HMOX1: variants seen among roughly 807,000 people sequenced by gnomAD.
HMOX1 encodes the protein heme oxygenase 1.
A neutral mutation model predicts 27.8 loss-of-function variants in HMOX1; 22 were observed. The ratio of observed to expected loss-of-function variants is 0.79; its 90% confidence interval spans 0.57 to 1.13. The LOEUF is 1.13. Among genes scored for constraint, HMOX1 ranks in the 50% most tolerant of loss-of-function variants. The probability of loss-of-function intolerance (pLI) is 0.00; values close to 1 mark genes in which losing one functional copy is unlikely to be tolerated. For synonymous variants in HMOX1, 153 were observed against 151.6 expected (o/e 1.01, Z -0.07); for missense variants, 379 against 377.7 (o/e 1.00, Z -0.03).
At chr22:35,389,413 T>C (rs1601743557) in intron 3 of HMOX1, among the ~76,000 whole-genome samples, 1 of 105,852 alleles carries the variant, frequency 9.4e-6, no homozygotes, top group East Asian at 2.3e-4. Flanking sequence ...TCTTTCTTTC[T>C]TTCTTTCTTT....
At chr22:35,393,430 C>T (rs1931773934) in intron 4 of HMOX1, 38 bp from the exon 5 acceptor site, 1 of 1,613,674 alleles carries the variant, frequency 6.2e-7, no homozygotes, top group South Asian at 1.1e-5. Context: ...CTGATGCACG[C>T]CCACCTGTTA....
At chr22:35,388,304 T>C (rs1169939582) in intron 3 of HMOX1, among the ~76,000 whole-genome samples, 1 of 150,846 alleles carries the variant, frequency 6.6e-6, no homozygotes, top group Non-Finnish European at 1.5e-5. Flanking sequence ...ATGAAAAAAT[T>C]AGCCAGACAT....
In HMOX1 at chr22:35,389,268, CT is replaced by C. The variant is rs1569057197; in HGVS notation, c.637-595del. On this transcript the variant is annotated intron_variant, in intron 3 of 4. Transcript: ENST00000216117. ...CTTTCTTTTCTCTCTCTCTCTCTCTCTCTCTCCTCTCTCTCTCTCTCTTCTT... is the reference window on the plus strand; with the variant it reads ...CTTTCTTTTCTCTCTCTCTCTCTCTCCTCTCCTCTCTCTCTCTCTCTTCTT... Among the ~76,000 whole-genome samples the C allele has an allele frequency of 9.1e-4, 112 of 123,332 alleles. 9 individuals carry two copies. The East Asian group carries it at 0.011, about 12-fold the overall frequency. The allele number at this position is 123,332 out of a possible 152,430, so 80.9% of individuals were successfully genotyped here. A position where few individuals can be genotyped will look rare whatever the true frequency, so the allele number is the denominator to read the frequency against.
chr22:35,383,985 G>T (rs1234310789), intron 2 of HMOX1, among the ~76,000 whole-genome samples: 1 of 152,028 alleles, frequency 6.6e-6, no homozygotes, highest in African/African-American at 2.4e-5. Flanking sequence ...GGGTGTGGGG[G>T]TGGGGAGTAG....
chr22:35,388,107 TA>T (rs1235592092), intron 3 of HMOX1, among the ~76,000 whole-genome samples: 1 of 147,944 alleles, frequency 6.8e-6, no homozygotes, highest in Non-Finnish European at 1.5e-5. Context: ...CTATCAAAAA[TA>T]AAAAATAAAA....
intron 2 of HMOX1, among the ~76,000 whole-genome samples, chr22:35,385,083 C>T (rs1451936640): frequency 3.3e-5 from 5 of 152,154 alleles, no homozygotes; most frequent in South Asian, 2.1e-4. Context: ...CAAATTTAAA[C>T]GGGCGTATTA....
At position 35,386,696 on chromosome 22, in the gene HMOX1, C is replaced by T. The variant is rs1329994917; in HGVS notation, c.156C>T (p.Ala52=). 1 of 1,614,148 alleles carries T rather than the reference C, an allele frequency of 6.2e-7. No individual in the cohort carries two copies. Among genetic ancestry groups the T allele is most frequent in the South Asian group, 1.1e-5 (1 of 91,078 alleles). Residue 52 remains alanine (A), a synonymous_variant, in exon 3 of 5, where the codon GCC becomes GCT. Transcript: ENST00000216117. ...CACTCTGCTTTCAGCTGGTGATGGC[C>T]TCCCTGTACCACATCTATGTGGCCC... ...VTRDGFKLVM[A]SLYHIYVALE...
Position 35,393,708 on chromosome 22 carries a change from C to A in HMOX1, c.*110C>A. On this transcript the variant is annotated 3_prime_UTR_variant, in exon 5 of 5. Transcript: ENST00000216117. The stretch of plus-strand genomic sequence containing the variant: ...CCTTACCGTGGGCACTGAAGGCTTT[C>A]AGGGCCTCCAGCCCTCTCACTGTGT... 7.8e-7 allele frequency: 1 copy of A among 1,277,546 alleles called. No individual in the cohort carries two copies. Among genetic ancestry groups the A allele is most frequent in the Non-Finnish European group, 1.1e-6 (1 of 878,456 alleles). 79.1% of individuals were successfully genotyped at this position (1,277,546 alleles called of 1,614,324 possible).
rs867302958 is a variant in HMOX1 at position 35,389,379 on chromosome 22, C to T, written c.637-485C>T. On this transcript the variant is annotated intron_variant, in intron 3 of 4. Transcript: ENST00000216117. ...TCCTTCCTTCCTTCCTTCCTTCCTT[C>T]CTTCCTTCCTTCCTTCCTTTCTTTC... 4.3e-4 allele frequency among the ~76,000 whole-genome samples: 27 copies of T among 63,042 alleles called. 6 individuals are homozygous for T. The highest frequency in any genetic ancestry group is 1.9e-3 in the African/African-American group (14 of 7,340). 41.4% of individuals were successfully genotyped at this position (63,042 alleles called of 152,430 possible).
chr22:35,393,696 A>C lies in HMOX1; in HGVS notation c.*98A>C. Reference sequence around the variant, plus strand: ...CTTGGCTGGCTTCCTTACCGTGGGCACTGAAGGCTTTCAGGGCCTCCAGCC... The same window carrying C: ...CTTGGCTGGCTTCCTTACCGTGGGCCCTGAAGGCTTTCAGGGCCTCCAGCC... On this transcript the variant is annotated 3_prime_UTR_variant, in exon 5 of 5. Coordinates refer to ENST00000216117, the MANE Select transcript of HMOX1 (RefSeq NM_002133.3). 6.1e-6 allele frequency: 9 copies of C among 1,467,622 alleles called. No homozygotes were observed. The highest frequency in any genetic ancestry group is 1.4e-5 in the African/African-American group (1 of 72,092). 90.9% of individuals were successfully genotyped at this position (1,467,622 alleles called of 1,614,324 possible).
At chr22:35,381,224 G>A (rs764840447) in intron 1 of HMOX1, 28 bp downstream of exon 1, 97 of 1,544,572 alleles carry the variant, frequency 6.3e-5, no homozygotes, top group Non-Finnish European at 7.8e-5. Context: ...GACGCGGGAC[G>A]GGCGCCTTTC....
intron 3 of HMOX1, among the ~76,000 whole-genome samples, chr22:35,389,231 T>TTCTTTCTTTCTTTCTTTC (rs1473345452): frequency 5.1e-5 from 7 of 137,138 alleles, no homozygotes; most frequent in Admixed American, 6.9e-5. Context: ...CTTTCTTTCT[T>TTCTTTCTTTCTTTCTTTC]TCTTTCTTTT....
At position 35,383,139 on chromosome 22, in the gene HMOX1, G is replaced by A. The variant is rs1413931872; in HGVS notation, c.57G>A (p.Glu19=). The change falls in exon 2 of 5, where the codon GAG becomes GAA. Residue 19 remains glutamate, a synonymous_variant. Transcript: ENST00000216117. ...AGGATTTGTCAGAGGCCCTGAAGGA[G>A]GCCACCAAGGAGGTGCACACCCAGG... ...MPQDLSEALK[E]ATKEVHTQAE... is the part of the protein sequence containing the mutation. The A allele has an allele frequency of 6.2e-7, 1 of 1,613,714 alleles. No homozygotes were observed. Among genetic ancestry groups the A allele is most frequent in the African/African-American group, 1.3e-5 (1 of 74,918 alleles).
intron 1 of HMOX1, among the ~76,000 whole-genome samples, chr22:35,382,053 T>G (rs769478070): frequency 6.6e-6 from 1 of 152,092 alleles, no homozygotes; most frequent in Non-Finnish European, 1.5e-5. Flanking sequence ...TGATAGGGGG[T>G]CATGAGATTT....
At chr22:35,384,826 C>G (rs1010034894) in intron 2 of HMOX1, among the ~76,000 whole-genome samples, 2 of 150,140 alleles carry the variant, frequency 1.3e-5, no homozygotes, top group Non-Finnish European at 3.0e-5. Flanking sequence ...ACACGGACCT[C>G]AGATCATCTG....
rs1569058077 is a variant in HMOX1, at chr22:35,389,844, G to A, written c.637-20G>A. The A allele has an allele frequency of 6.4e-7, 1 of 1,553,174 alleles. No homozygotes were observed. The highest frequency in any genetic ancestry group is 8.8e-7 in the Non-Finnish European group (1 of 1,134,700). On this transcript the variant is annotated intron_variant, in intron 3 of 4. Coordinates refer to ENST00000216117, the MANE Select transcript of HMOX1 (RefSeq NM_002133.3). ...TAGCATCTCTCACTGAGATAGGCAT[G>A]TGTGTCTTTTGTCTTTTAGCTCTTT...
rs1200924451 is a variant in HMOX1 at position 35,394,008 on chromosome 22, G to GT, written c.*411dup. ...CAAACCTGAAAAGATGTTGTGTCTT[G>GT]TGTTTTTGTCTTATTTTTGTTGGAG... On this transcript the variant is annotated 3_prime_UTR_variant, in exon 5 of 5. Transcript: ENST00000216117. 6.4e-6 allele frequency: 2 copies of GT among 313,096 alleles called. No individual in the cohort carries two copies. Among genetic ancestry groups the GT allele is most frequent in the African/African-American group, 4.3e-5 (2 of 46,368 alleles). 19.4% of individuals were successfully genotyped at this position (313,096 alleles called of 1,614,324 possible). A position where few individuals can be genotyped will look rare whatever the true frequency, so the allele number is the denominator to read the frequency against.
At chr22:35,390,220 C>T (rs1002860496) in intron 4 of HMOX1, 17 of 518,732 alleles carry the variant, frequency 3.3e-5, no homozygotes, top group Non-Finnish European at 5.3e-5. Context: ...GCCACCATGC[C>T]AGCCTGAATG....
intron 3 of HMOX1, among the ~76,000 whole-genome samples, chr22:35,388,392 C>T (rs1163885195): frequency 6.6e-6 from 1 of 151,874 alleles, no homozygotes; most frequent in Middle Eastern, 3.4e-3. Flanking sequence ...GTCAAGGCTG[C>T]AGTAAGCCAT....
Sources: allele counts gnomAD v4.1 joint callset (sites outside exome capture counted in the v4.1 genomes callset), GRCh38; gene constraint gnomAD v4.1.1; transcripts MANE v1.5; gene names NCBI Gene and HGNC (gene_info 2026-07-23, HGNC 2026-07-21).